The following BDKRB2 variants were observed in gnomAD, a reference collection of about 807,000 sequenced individuals.
BDKRB2 encodes bradykinin receptor B2.
Under a neutral mutation model 4.0 loss-of-function variants are expected in BDKRB2, and 6 were observed. The observed-to-expected ratio is 1.49, with a 90% CI of 0.81 to 2.93. BDKRB2 has a LOEUF of 2.93. BDKRB2 is among the 30% of genes most tolerant of loss of function. BDKRB2 has a pLI of 0.00. For synonymous variants in BDKRB2, 225 were observed against 215.3 expected (o/e 1.05, Z -0.40); for missense variants, 478 against 520.1 (o/e 0.92, Z 0.79).
At chr14:96,215,163 C>T (rs1366877034) in intron 1 of BDKRB2, among the ~76,000 whole-genome samples, 4 of 152,164 alleles carry the variant, frequency 2.6e-5, no homozygotes, top group African/African-American at 9.7e-5. Flanking sequence ...AGACAACCAG[C>T]GCCAGTAATA....
rs769987281 is a variant in BDKRB2 at position 96,241,501 on chromosome 14, G to C, written c.1173G>C (p.Gln391His). The stretch of plus-strand genomic sequence containing the variant: ...TGCAGGACTGGGCAGGGAGCAGACA[G>C]TGAGCAAACGCCAGCAGGGCTGCTG... ...HKLQDWAGSR[Q>H] The change falls in exon 3 of 3, where the codon CAG becomes CAC. Residue 391 changes from glutamine (Q) to histidine (H), a missense_variant. Gln to His is a conservative substitution (Grantham distance 24). Coordinates refer to ENST00000554311, the MANE Select transcript of BDKRB2 (RefSeq NM_001379692.1). 3 of 1,521,962 alleles carry C rather than the reference G, an allele frequency of 2.0e-6. No individual in the cohort carries two copies. Among genetic ancestry groups the C allele is most frequent in the Non-Finnish European group, 2.6e-6 (3 of 1,142,704 alleles). 94.3% of individuals were successfully genotyped at this position (1,521,962 alleles called of 1,614,324 possible). A position where few individuals can be genotyped will look rare whatever the true frequency, so the allele number is the denominator to read the frequency against.
chr14:96,206,458 G>A (rs921329151), intron 1 of BDKRB2, among the ~76,000 whole-genome samples: 12 of 152,152 alleles, frequency 7.9e-5, no homozygotes, highest in African/African-American at 2.9e-4. Context: ...CCTTGCAAAC[G>A]GGGAGGTTCC....
chr14:96,234,892 T>A (rs1169382010), intron 1 of BDKRB2, among the ~76,000 whole-genome samples: 1 of 152,162 alleles, frequency 6.6e-6, no homozygotes, highest in East Asian at 1.9e-4. Context: ...CGGCGGTCAC[T>A]GTCGTGTAGA....
chr14:96,233,890 T>C (rs1890874801), intron 1 of BDKRB2: 1 of 152,222 alleles, frequency 6.6e-6, no homozygotes, highest in Non-Finnish European at 1.5e-5. Flanking sequence ...TGAATCAGAA[T>C]GTTGGATGTT....
intron 1 of BDKRB2, among the ~76,000 whole-genome samples, chr14:96,234,842 G>A (rs899073622): frequency 7.9e-5 from 12 of 152,324 alleles, no homozygotes; most frequent in Admixed American, 3.3e-4. Flanking sequence ...CGCTGGACAC[G>A]TCCCCCATGA....
intron 1 of BDKRB2, among the ~76,000 whole-genome samples, chr14:96,223,802 G>A (rs1178587328): frequency 6.6e-6 from 1 of 151,392 alleles, no homozygotes; most frequent in Non-Finnish European, 1.5e-5. Flanking sequence ...TGATTAACAA[G>A]GAAGTTTTTA....
chr14:96,229,461 G>C (rs1287383402), intron 1 of BDKRB2, among the ~76,000 whole-genome samples: 1 of 152,192 alleles, frequency 6.6e-6, no homozygotes, highest in East Asian at 1.9e-4. Flanking sequence ...GGAAACCTCA[G>C]ATCTGCTCTA....
intron 1 of BDKRB2, among the ~76,000 whole-genome samples, chr14:96,227,124 G>T (rs1343458998): frequency 6.6e-6 from 1 of 152,162 alleles, no homozygotes; most frequent in Non-Finnish European, 1.5e-5. Context: ...TTTCCCTTCT[G>T]CAAAAGACAG....
chr14:96,208,274 C>T lies in BDKRB2; in HGVS notation c.-40+3315C>T, dbSNP rs371253817. On this transcript the variant is annotated intron_variant, in intron 1 of 2. Coordinates refer to ENST00000554311, the MANE Select transcript of BDKRB2 (RefSeq NM_001379692.1). ...CTCCAGGGTTGTTTTCTAGAACAAACGTAAGGCATGAAGTATTTCTTTGAC... is the reference window on the plus strand; with the variant it reads ...CTCCAGGGTTGTTTTCTAGAACAAATGTAAGGCATGAAGTATTTCTTTGAC... 3.3e-4 allele frequency among the ~76,000 whole-genome samples: 50 copies of T among 152,290 alleles called. No individual in the cohort carries two copies. The East Asian group carries it at 6.8e-3, about 21-fold the overall frequency.
At chr14:96,227,555 AC>A (rs1429619677) in intron 1 of BDKRB2, among the ~76,000 whole-genome samples, 1 of 152,076 alleles carries the variant, frequency 6.6e-6, no homozygotes, top group Non-Finnish European at 1.5e-5. Context: ...ACGTGCACAC[AC>A]AAACACACAC....
chr14:96,220,820 G>A lies in BDKRB2; in HGVS notation c.-40+15861G>A, dbSNP rs377476710. Among the ~76,000 whole-genome samples, 16 of 152,130 alleles carry A rather than the reference G, an allele frequency of 1.1e-4. No individual in the cohort carries two copies. In the East Asian group the frequency reaches 2.1e-3, roughly 20 times the overall value. The stretch of plus-strand genomic sequence containing the variant: ...CAAGATGAGATCTATACTTGAGAGC[G>A]TATATGAGAGGGATGCAACTGAGGC... On this transcript the variant is annotated intron_variant, in intron 1 of 2. Transcript: ENST00000554311.
At chr14:96,230,439 G>A (rs4078045) in intron 1 of BDKRB2, among the ~76,000 whole-genome samples, 1 of 152,200 alleles carries the variant, frequency 6.6e-6, no homozygotes, top group Non-Finnish European at 1.5e-5. Flanking sequence ...CTGTCGCCCA[G>A]GCTGGAGTGC....
At chr14:96,238,447 C>T (rs975352931) in intron 2 of BDKRB2, 6 of 983,256 alleles carry the variant, frequency 6.1e-6, no homozygotes, top group African/African-American at 3.5e-5. Context: ...TCAAGTAATT[C>T]GGGGGGCATA....
rs1247580047 is a variant in BDKRB2 at position 96,243,339 on chromosome 14, A to T, written c.*1835A>T. The T allele has an allele frequency of 1.4e-5, 2 of 147,804 alleles. No individual in the cohort carries two copies. Among genetic ancestry groups the T allele is most frequent in the East Asian group, 4.0e-4 (2 of 5,038 alleles). The allele number at this position is 147,804 out of a possible 1,614,324, so 9.2% of individuals were successfully genotyped here. A position where few individuals can be genotyped will look rare whatever the true frequency, so the allele number is the denominator to read the frequency against. On this transcript the variant is annotated 3_prime_UTR_variant, in exon 3 of 3. Transcript: ENST00000554311. Reference sequence around the variant, plus strand: ...AGGGCTAGAACCTAGAAGGGCTAGAACCTGGAGGGCTGGAATCTGGAGAGC... The same window carrying T: ...AGGGCTAGAACCTAGAAGGGCTAGATCCTGGAGGGCTGGAATCTGGAGAGC...
Position 96,241,431 on chromosome 14 carries a change from G to T in BDKRB2, c.1103G>T (p.Gly368Val), listed in dbSNP as rs201021538. Residue 368 changes from glycine (G) to valine (V), a missense_variant, in exon 3 of 3, where the codon GGC becomes GTC. Coordinates refer to ENST00000554311, the MANE Select transcript of BDKRB2 (RefSeq NM_001379692.1). ...CCCATTCAGATGGAGAACTCCATGGGCACACTGCGGACCTCCATCTCCGTG... is the reference window on the plus strand; with the variant it reads ...CCCATTCAGATGGAGAACTCCATGGTCACACTGCGGACCTCCATCTCCGTG... ...SEPIQMENSM[G>V]TLRTSISVER... is the part of the protein sequence containing the mutation. The T allele has an allele frequency of 1.2e-6, 2 of 1,602,464 alleles. No individual in the cohort carries two copies. The highest frequency in any genetic ancestry group is 2.2e-5 in the South Asian group (2 of 90,098).
Position 96,242,050 on chromosome 14 carries a change from C to T in BDKRB2, c.*546C>T, listed in dbSNP as rs1263667365. On this transcript the variant is annotated 3_prime_UTR_variant, in exon 3 of 3. Transcript: ENST00000554311. ...CTGGAGACCAGGATTTTATGGCTCCCCTCACTGATGGACAAGGAGGTCTGT... is the reference window on the plus strand; with the variant it reads ...CTGGAGACCAGGATTTTATGGCTCCTCTCACTGATGGACAAGGAGGTCTGT... 6.5e-6 allele frequency: 1 copy of T among 152,948 alleles called. No homozygotes were observed. The highest frequency in any genetic ancestry group is 1.5e-5 in the Non-Finnish European group (1 of 68,632). The allele number at this position is 152,948 out of a possible 1,614,324, so 9.5% of individuals were successfully genotyped here.
intron 1 of BDKRB2, among the ~76,000 whole-genome samples, chr14:96,207,011 C>T (rs1056463197): frequency 9.9e-5 from 15 of 152,082 alleles, no homozygotes; most frequent in African/African-American, 3.1e-4. Context: ...GACCACCAAT[C>T]CCATTCACAA....
At chr14:96,218,869 A>G (rs1308014824) in intron 1 of BDKRB2, among the ~76,000 whole-genome samples, 1 of 151,964 alleles carries the variant, frequency 6.6e-6, no homozygotes, top group African/African-American at 2.4e-5. Context: ...CAGTGAGCCA[A>G]GATCACGCCA....
At chr14:96,222,899 G>C (rs2139779936) in intron 1 of BDKRB2, among the ~76,000 whole-genome samples, 1 of 151,932 alleles carries the variant, frequency 6.6e-6, no homozygotes, top group Admixed American at 6.5e-5. Flanking sequence ...TTTTTTTAAT[G>C]TGGCTACTAG....
Sources: allele counts gnomAD v4.1 joint callset (sites outside exome capture counted in the v4.1 genomes callset), GRCh38; gene constraint gnomAD v4.1.1; transcripts MANE v1.5; gene names NCBI Gene and HGNC (gene_info 2026-07-23, HGNC 2026-07-21).